The following NTNG1 variants were observed in gnomAD, a reference collection of about 807,000 sequenced individuals.
NTNG1 encodes the protein netrin G1.
Under a neutral mutation model 54.0 loss-of-function variants are expected in NTNG1, and 16 were observed. The observed-to-expected ratio is 0.30, with a 90% CI of 0.20 to 0.45. The LOEUF is 0.45. NTNG1 is among the 20% of genes least tolerant of loss of function. The probability of loss-of-function intolerance (pLI) is 1.00; values close to 1 mark genes in which losing one functional copy is unlikely to be tolerated. For missense variants in NTNG1, 530 were observed against 678.7 expected, an observed-to-expected ratio of 0.78 and a Z score of 2.43; for synonymous variants, 255 against 263.1, an observed-to-expected ratio of 0.97 and a Z score of 0.30.
rs1678707667 is a variant in NTNG1, at chr1:107,481,440, A to T, written c.*600A>T. ...CCCCCTCTAAAAGCGCAAGCCAGTCATACCCCTGTATATCTTAGCAGCACT... is the reference window on the plus strand; with the variant it reads ...CCCCCTCTAAAAGCGCAAGCCAGTCTTACCCCTGTATATCTTAGCAGCACT... On this transcript the variant is annotated 3_prime_UTR_variant, in exon 8 of 8. Transcript: ENST00000370068. The T allele has an allele frequency of 6.5e-6, 1 of 153,076 alleles. No homozygotes were observed. Among genetic ancestry groups the T allele is most frequent in the African/African-American group, 2.4e-5 (1 of 41,480 alleles). The allele number at this position is 153,076 out of a possible 1,614,324, so 9.5% of individuals were successfully genotyped here.
chr1:107,331,358 G>C (rs758047341), intron 3 of NTNG1, among the ~76,000 whole-genome samples: 13 of 151,938 alleles, frequency 8.6e-5, no homozygotes, highest in Non-Finnish European at 1.5e-4. Flanking sequence ...ATGGCTTTTG[G>C]CTCAGTATTT....
chr1:107,391,885 G>T (rs1299129899), intron 3 of NTNG1, among the ~76,000 whole-genome samples: 1 of 152,130 alleles, frequency 6.6e-6, no homozygotes, highest in Non-Finnish European at 1.5e-5. Context: ...ATGAGATTTG[G>T]AGGGGACAAA....
intron 3 of NTNG1, among the ~76,000 whole-genome samples, chr1:107,363,506 C>CA (rs1470551002): frequency 1.3e-5 from 2 of 152,172 alleles, no homozygotes; most frequent in Non-Finnish European, 2.9e-5. Flanking sequence ...ATAGTTTGCA[C>CA]TTAATAAATG....
At chr1:107,413,606 C>T (rs1333287003) in intron 5 of NTNG1, among the ~76,000 whole-genome samples, 1 of 152,136 alleles carries the variant, frequency 6.6e-6, no homozygotes, top group East Asian at 1.9e-4. Flanking sequence ...CACTAACATC[C>T]TCACAGCAGT....
chr1:107,419,791 A>G (rs1349281231), intron 5 of NTNG1, among the ~76,000 whole-genome samples: 1 of 152,042 alleles, frequency 6.6e-6, no homozygotes, highest in African/African-American at 2.4e-5. Flanking sequence ...TGAGGAGTCA[A>G]ATTGGAAGGG....
chr1:107,349,385 G>A lies in NTNG1; in HGVS notation c.887+24463G>A, dbSNP rs1250480474. Among the ~76,000 whole-genome samples, 6 of 151,752 alleles carry A rather than the reference G, an allele frequency of 4.0e-5. No individual in the cohort carries two copies. The East Asian group carries it at 7.7e-4, about 20-fold the overall frequency. ...TGCATATATGTAATTTAAGTTATATGCATAAAATCCTTTTTAATGAAACAT... is the reference window on the plus strand; with the variant it reads ...TGCATATATGTAATTTAAGTTATATACATAAAATCCTTTTTAATGAAACAT... On this transcript the variant is annotated intron_variant, in intron 3 of 7. Coordinates refer to ENST00000370068, the MANE Select transcript of NTNG1 (RefSeq NM_001113226.3).
chr1:107,392,352 G>C (rs1672413670), intron 3 of NTNG1, among the ~76,000 whole-genome samples: 1 of 152,034 alleles, frequency 6.6e-6, no homozygotes, highest in Non-Finnish European at 1.5e-5. Context: ...TAAAAGGTTT[G>C]TAATGCGAAG....
chr1:107,444,354 C>A (rs534868337), intron 7 of NTNG1, among the ~76,000 whole-genome samples: 1 of 152,140 alleles, frequency 6.6e-6, no homozygotes, highest in Non-Finnish European at 1.5e-5. Context: ...TTCAGAGCAA[C>A]CACAAAAGGG....
chr1:107,422,056 G>C (rs1674607378), intron 5 of NTNG1, among the ~76,000 whole-genome samples: 1 of 152,008 alleles, frequency 6.6e-6, no homozygotes, highest in Admixed American at 6.6e-5. Flanking sequence ...ATGGCATATA[G>C]AGAAAAAGTG....
chr1:107,303,566 C>G (rs1666457428), intron 2 of NTNG1, among the ~76,000 whole-genome samples: 1 of 152,138 alleles, frequency 6.6e-6, no homozygotes, highest in South Asian at 2.1e-4. Context: ...TCTTTGCACT[C>G]TGTCATCAAA....
At chr1:107,431,667 G>A (rs1328096027) in intron 6 of NTNG1, among the ~76,000 whole-genome samples, 1 of 152,100 alleles carries the variant, frequency 6.6e-6, no homozygotes, top group East Asian at 1.9e-4. Context: ...TTTACATAGT[G>A]AAACCTGTCT....
intron 5 of NTNG1, chr1:107,408,972 C>T (rs972369627): frequency 1.3e-5 from 2 of 152,168 alleles, no homozygotes; most frequent in African/African-American, 4.8e-5. Flanking sequence ...TAGGCCTGGA[C>T]ACTGATTTGT....
chr1:107,269,732 A>G (rs1261007105), intron 2 of NTNG1, among the ~76,000 whole-genome samples: 1 of 152,222 alleles, frequency 6.6e-6, no homozygotes, highest in Non-Finnish European at 1.5e-5. Context: ...TAAGATTCTT[A>G]TGGTTGTAAA....
rs145100324 is a variant in NTNG1 at position 107,458,951 on chromosome 1, C to G, written c.1391-21660C>G. Among the ~76,000 whole-genome samples the G allele has an allele frequency of 3.2e-3, 485 of 152,220 alleles. 5 individuals carry two copies. Among genetic ancestry groups the G allele is most frequent in the Non-Finnish European group, 2.1e-3 (144 of 68,010 alleles). ...TGTTTCGTTCTACTTCCTACAATCT[C>G]AGAAGGGATCAAAACAGTTTAGAAA... On this transcript the variant is annotated intron_variant, in intron 7 of 7. Transcript: ENST00000370068.
intron 2 of NTNG1, among the ~76,000 whole-genome samples, chr1:107,215,830 G>A (rs1336883469): frequency 6.6e-6 from 1 of 150,508 alleles, no homozygotes; most frequent in Admixed American, 6.6e-5. Flanking sequence ...GGGTTTTGTA[G>A]GTTTTTTTTT....
chr1:107,359,867 G>C (rs1203733927), intron 3 of NTNG1, among the ~76,000 whole-genome samples: 1 of 152,040 alleles, frequency 6.6e-6, no homozygotes. Flanking sequence ...ATAGAAAACA[G>C]TATTTTCTCC....
intron 7 of NTNG1, among the ~76,000 whole-genome samples, chr1:107,460,616 T>G (rs757888698): frequency 2.6e-5 from 4 of 152,222 alleles, no homozygotes; most frequent in Non-Finnish European, 5.9e-5. Flanking sequence ...TTCGATAGCT[T>G]CTTTTTTTTG....
At chr1:107,351,283 G>C (rs928625475) in intron 3 of NTNG1, among the ~76,000 whole-genome samples, 1 of 152,132 alleles carries the variant, frequency 6.6e-6, no homozygotes, top group Non-Finnish European at 1.5e-5. Context: ...GTTTTAGTCA[G>C]TTTGCTCACT....
At chr1:107,228,277 A>G (rs1276914853) in intron 2 of NTNG1, among the ~76,000 whole-genome samples, 1 of 152,172 alleles carries the variant, frequency 6.6e-6, no homozygotes, top group African/African-American at 2.4e-5. Flanking sequence ...TCTTAGTATT[A>G]ATACACTATT....
Sources: gnomAD v4.1 joint callset for allele counts (sites outside exome capture counted in the v4.1 genomes callset) on GRCh38, gnomAD v4.1.1 for gene constraint, MANE v1.5 for transcripts, NCBI Gene and HGNC (gene_info 2026-07-23, HGNC 2026-07-21) for gene names.